The following FGF14 variants were observed in gnomAD, a reference collection of about 807,000 sequenced individuals.
The protein encoded by FGF14 is fibroblast growth factor 14.
In FGF14, 5 loss-of-function variants were observed where a neutral mutation model predicts 25.5. That is an observed-to-expected ratio of 0.20 (90% CI 0.10 to 0.41). The LOEUF is 0.41. Among genes scored for constraint, FGF14 ranks in the 10% least tolerant of loss-of-function variants. FGF14 has a pLI of 1.00. For missense variants in FGF14, 222 were observed against 320.1 expected (o/e 0.69, Z 2.34); for synonymous variants, 138 against 118.3 (o/e 1.17, Z -1.08).
chr13:102,085,298 A>G (rs1240157946), intron 1 of FGF14, among the ~76,000 whole-genome samples: 1 of 152,156 alleles, frequency 6.6e-6, no homozygotes, highest in Non-Finnish European at 1.5e-5. Flanking sequence ...AGCTCCAGGT[A>G]TGTGCCAGGC....
At chr13:101,723,226 T>C in intron 4 of FGF14, 1 of 484,800 alleles carries the variant, frequency 2.1e-6, no homozygotes, top group South Asian at 2.0e-5. Flanking sequence ...GGACAGCAGG[T>C]TTAAATGGGA....
intron 1 of FGF14, among the ~76,000 whole-genome samples, chr13:101,934,160 C>A (rs1393903564): frequency 2.0e-5 from 3 of 152,160 alleles, no homozygotes; most frequent in Non-Finnish European, 4.4e-5. Context: ...AAGCAGTCTG[C>A]AAGATGCAGC....
chr13:102,136,680 T>C (rs1230976319), intron 1 of FGF14, among the ~76,000 whole-genome samples: 2 of 148,072 alleles, frequency 1.4e-5, no homozygotes, highest in Admixed American at 1.3e-4. Context: ...AAAAAAAACC[T>C]GAGACTGATA....
intron 3 of FGF14, among the ~76,000 whole-genome samples, chr13:101,852,305 CATT>C (rs1486037496): frequency 6.6e-6 from 1 of 151,998 alleles, no homozygotes; most frequent in African/African-American, 2.4e-5. Context: ...TCCAATAAGA[CATT>C]AATACATATC....
At chr13:101,852,440 G>A (rs570904803) in intron 3 of FGF14, among the ~76,000 whole-genome samples, 150 of 152,156 alleles carry the variant, frequency 9.9e-4, no homozygotes, top group African/African-American at 3.5e-3. Flanking sequence ...TTTTCTTGAA[G>A]GAGGAAAAAA....
At chr13:102,052,348 A>G (rs1268837457) in intron 1 of FGF14, among the ~76,000 whole-genome samples, 2 of 152,066 alleles carry the variant, frequency 1.3e-5, no homozygotes, top group Non-Finnish European at 2.9e-5. Context: ...AATAGCAAAA[A>G]CTTTCCAAAT....
At chr13:102,012,048 G>C (rs566868264) in intron 1 of FGF14, among the ~76,000 whole-genome samples, 1 of 152,218 alleles carries the variant, frequency 6.6e-6, no homozygotes, top group African/African-American at 2.4e-5. Flanking sequence ...ACCAAAATGA[G>C]GGACAGGAGT....
At chr13:101,757,813 G>T (rs765313928) in intron 3 of FGF14, among the ~76,000 whole-genome samples, 1 of 152,132 alleles carries the variant, frequency 6.6e-6, no homozygotes, top group Non-Finnish European at 1.5e-5. Context: ...AGGAAACTGG[G>T]ATTAAGAAAT....
At chr13:101,745,894 G>A (rs1264276943) in intron 3 of FGF14, among the ~76,000 whole-genome samples, 1 of 152,028 alleles carries the variant, frequency 6.6e-6, no homozygotes, top group African/African-American at 2.4e-5. Context: ...CTTGGGCAGA[G>A]TGCTCGCAAG....
At chr13:102,286,106 G>C (rs912366224) in intron 1 of FGF14, among the ~76,000 whole-genome samples, 2 of 152,166 alleles carry the variant, frequency 1.3e-5, no homozygotes, top group African/African-American at 2.4e-5. Flanking sequence ...ACTTGGTAGA[G>C]GGAGGTAAGT....
chr13:102,070,558 A>AT (rs2043113123), intron 1 of FGF14, among the ~76,000 whole-genome samples: 1 of 152,244 alleles, frequency 6.6e-6, no homozygotes, highest in South Asian at 2.1e-4. Context: ...GCAAAACAGT[A>AT]TATCAAAGAG....
chr13:102,174,696 C>T (rs1420491526), intron 1 of FGF14, among the ~76,000 whole-genome samples: 1 of 152,092 alleles, frequency 6.6e-6, no homozygotes, highest in Non-Finnish European at 1.5e-5. Context: ...ACCACATGTT[C>T]TTACTTACAA....
chr13:102,314,488 T>A (rs1416083074), intron 1 of FGF14, among the ~76,000 whole-genome samples: 1 of 152,166 alleles, frequency 6.6e-6, no homozygotes, highest in Non-Finnish European at 1.5e-5. Flanking sequence ...TAATACTATA[T>A]GGAATGTCTG....
intron 3 of FGF14, among the ~76,000 whole-genome samples, chr13:101,812,645 ATATATATATTTTTTTTTTTTTT>A (rs1566931661): frequency 2.0e-4 from 2 of 9,776 alleles, no homozygotes; most frequent in African/African-American, 3.2e-4. Flanking sequence ...ATATATATAT[ATATATATATTTTTTTTTTTTTT>A]TTTTTTTTTT....
intron 1 of FGF14, chr13:102,292,447 T>C (rs1186634031): frequency 6.6e-6 from 1 of 152,180 alleles, no homozygotes. Context: ...TTTCCACAGA[T>C]AAGACTAGAT....
intron 1 of FGF14, among the ~76,000 whole-genome samples, chr13:101,879,420 C>T (rs895594937): frequency 2.6e-5 from 4 of 152,132 alleles, no homozygotes; most frequent in African/African-American, 4.8e-5. Flanking sequence ...CAAATCAGTC[C>T]GACTGCCTTC....
chr13:102,361,723 A>T (rs1297830603), intron 1 of FGF14, among the ~76,000 whole-genome samples: 2 of 152,164 alleles, frequency 1.3e-5, no homozygotes, highest in Non-Finnish European at 2.9e-5. Flanking sequence ...CACTATTTTG[A>T]ATTCTAGACC....
In FGF14 at chr13:101,733,385, A is replaced by G. The variant is rs142325689; in HGVS notation, c.409-6575T>C. Among the ~76,000 whole-genome samples, 598 of 152,150 alleles carry G rather than the reference A, an allele frequency of 3.9e-3. 5 individuals are homozygous for G. The highest frequency in any genetic ancestry group is 0.014 in the African/African-American group (577 of 41,472). On this transcript the variant is annotated intron_variant, in intron 3 of 4. Transcript: ENST00000376143. ...GGCCAAGGCAGGCGATCATGAGGTC[A>G]AAAGATGGAGACCATCCTGGCCAAC...
intron 1 of FGF14, among the ~76,000 whole-genome samples, chr13:101,912,389 A>G (rs1451154432): frequency 6.6e-6 from 1 of 152,184 alleles, no homozygotes; most frequent in Non-Finnish European, 1.5e-5. Context: ...AGCCATGCCA[A>G]AGATTTAGAA....
Sources: allele counts gnomAD v4.1 joint callset (sites outside exome capture counted in the v4.1 genomes callset), GRCh38; gene constraint gnomAD v4.1.1; transcripts MANE v1.5; gene names NCBI Gene and HGNC (gene_info 2026-07-23, HGNC 2026-07-21).